Variants in ULK2 observed in about 807,000 individuals in gnomAD.
ULK2 encodes unc-51 like autophagy activating kinase 2.
ULK2 carries 76 observed loss-of-function variants against 127.5 expected under a neutral mutation model. The observed-to-expected ratio is 0.60, with a 90% confidence interval of 0.50 to 0.72. The LOEUF (loss-of-function observed/expected upper bound fraction) is 0.72. Ranked by LOEUF, ULK2 falls within the 30% of genes least tolerant of loss-of-function variation. The pLI is 0.00. For synonymous variants in ULK2, 452 were observed against 461.9 expected, an observed-to-expected ratio of 0.98 and a Z score of 0.28; for missense variants, 1,144 against 1,295.9, an observed-to-expected ratio of 0.88 and a Z score of 1.80.
chr17:19,786,491 A>G (rs1316522736), intron 20 of ULK2, among the ~76,000 whole-genome samples: 1 of 152,152 alleles, frequency 6.6e-6, no homozygotes, highest in Non-Finnish European at 1.5e-5. Context: ...AGGCGGGTGG[A>G]TCACCTGAGG....
chr17:19,861,064 C>CA (rs200551375), intron 3 of ULK2: 8,765 of 138,664 alleles, frequency 0.063, 829 homozygotes, highest in African/African-American at 0.22. Flanking sequence ...GACTTCTTCT[C>CA]AAAAAAAAAA....
intron 12 of ULK2, among the ~76,000 whole-genome samples, chr17:19,819,059 A>G (rs2041071869): frequency 6.6e-6 from 1 of 152,048 alleles, no homozygotes; most frequent in Non-Finnish European, 1.5e-5. Flanking sequence ...TCAGCCTCCC[A>G]AAGTGCTGGG....
chr17:19,852,357 T>C (rs2042035840), intron 3 of ULK2, among the ~76,000 whole-genome samples: 1 of 139,586 alleles, frequency 7.2e-6, no homozygotes, highest in East Asian at 2.3e-4. Context: ...CCATCTCTAC[T>C]AAAAATACAA....
rs1197496893 is a variant in ULK2, at chr17:19,816,767, T to A, written c.1078A>T (p.Ile360Phe). Residue 360 changes from isoleucine to phenylalanine, a missense_variant, in exon 13 of 27, where the codon ATC (isoleucine) becomes TTC (phenylalanine). Ile to Phe is a conservative substitution (Grantham distance 21, BLOSUM62 0). Around this residue, in one of 2 missense-constraint regions of ULK2, gnomAD observed 913 missense variants for 970.5 expected, o/e 0.94. Transcript: ENST00000395544. ...TDDFVLVPHN[I>F]SSDHSCDMPV... ...TTCTCACATGAGTGGTCTGACGAGA[T>A]GTTGTGTGGCACCAAAACAAAGTCA... 2 of 1,602,028 alleles carry A rather than the reference T, an allele frequency of 1.2e-6. No homozygotes were observed.
intron 3 of ULK2, among the ~76,000 whole-genome samples, chr17:19,851,455 T>C (rs1207092522): frequency 6.6e-6 from 1 of 150,930 alleles, no homozygotes; most frequent in Non-Finnish European, 1.5e-5. Flanking sequence ...CTGGCCAACA[T>C]GGTGAAACCC....
intron 3 of ULK2, among the ~76,000 whole-genome samples, chr17:19,864,091 G>C (rs890013662): frequency 9.9e-5 from 15 of 152,140 alleles, no homozygotes; most frequent in African/African-American, 3.1e-4. Context: ...AGGATCCCTT[G>C]AGCCCAGGAG....
At chr17:19,782,680 C>T (rs1361358787) in intron 22 of ULK2, among the ~76,000 whole-genome samples, 1 of 152,124 alleles carries the variant, frequency 6.6e-6, no homozygotes, top group Non-Finnish European at 1.5e-5. Flanking sequence ...CTTTGGGAGG[C>T]CAAGGCGGGT....
chr17:19,804,658 A>G (rs1177771195), intron 15 of ULK2, 35 bp downstream of exon 15: 5 of 1,542,896 alleles, frequency 3.2e-6, no homozygotes, highest in Non-Finnish European at 4.4e-6. Context: ...AAGGAGATGA[A>G]AAAGAATTAA....
chr17:19,777,643 A>AG lies in ULK2; in HGVS notation c.2989dup (p.Leu997ProfsTer8). The AG allele has an allele frequency of 1.2e-6, 2 of 1,614,152 alleles. No homozygotes were observed. The highest frequency in any genetic ancestry group is 2.2e-5 in the South Asian group (2 of 91,068). On this transcript the variant is annotated frameshift_variant, in exon 26 of 27. Coordinates refer to ENST00000395544, the MANE Select transcript of ULK2 (RefSeq NM_014683.4). LOFTEE classifies it high-confidence loss of function. ...AATCCTACTTAGGCCTTCCAAAAGA[A>AG]GGGCTGCCTTATGATAGCGATAAAC...
At position 19,843,124 on chromosome 17, in the gene ULK2, A is replaced by T. The variant is rs1437707186; in HGVS notation, c.642T>A (p.Phe214Leu). 1 of 1,612,932 alleles carries T rather than the reference A, an allele frequency of 6.2e-7. No homozygotes were observed. Among genetic ancestry groups the T allele is most frequent in the South Asian group, 1.1e-5 (1 of 91,010 alleles). The change falls in exon 8 of 27, where the codon TTT becomes TTA. Residue 214 changes from phenylalanine to leucine, a missense_variant. Phe to Leu is a conservative substitution (Grantham distance 22). Around this residue, in one of 2 missense-constraint regions of ULK2, gnomAD observed 231 missense variants for 325.4 expected, o/e 0.71. Transcript: ENST00000395544. ...CATAAGAAAAAAGTCAGCCTACCTG[A>T]AAAGGTGGTTTTCCAACTAGGCATT... ...IYQCLVGKPPFQANSPQDLRM... is the reference protein window; with the variant it reads ...IYQCLVGKPPLQANSPQDLRM...
At chr17:19,852,945 C>G (rs867401397) in intron 3 of ULK2, among the ~76,000 whole-genome samples, 1 of 151,788 alleles carries the variant, frequency 6.6e-6, no homozygotes, top group South Asian at 2.1e-4. Context: ...CCACCGTGCA[C>G]GGCCAATTTT....
intron 13 of ULK2, among the ~76,000 whole-genome samples, chr17:19,811,408 C>A (rs968643360): frequency 6.6e-6 from 1 of 151,088 alleles, no homozygotes; most frequent in Non-Finnish European, 1.5e-5. Context: ...AGCTTAATCA[C>A]GAGAGGGAAA....
chr17:19,865,108 G>A (rs1270227392), intron 2 of ULK2, among the ~76,000 whole-genome samples: 1 of 152,096 alleles, frequency 6.6e-6, no homozygotes, highest in Non-Finnish European at 1.5e-5. Flanking sequence ...GAGGAAATCG[G>A]GTGTTAAATG....
intron 3 of ULK2, among the ~76,000 whole-genome samples, chr17:19,850,610 A>G (rs1483282154): frequency 6.6e-6 from 1 of 151,688 alleles, no homozygotes; most frequent in Non-Finnish European, 1.5e-5. Flanking sequence ...GCGGATCACG[A>G]GGCCAGGAGA....
chr17:19,837,533 T>C (rs972674969), intron 10 of ULK2, among the ~76,000 whole-genome samples: 1 of 152,212 alleles, frequency 6.6e-6, no homozygotes, highest in Non-Finnish European at 1.5e-5. Flanking sequence ...CACTTAGATA[T>C]CCAATGGTTA....
chr17:19,771,725 A>C lies in ULK2; in HGVS notation c.*4624T>G, dbSNP rs1390648231. ...GGAGGAGGGGAGGAACTTGCCAAAG[A>C]ACACACAACTGCACATGGTGGAGCT... On this transcript the variant is annotated 3_prime_UTR_variant, in exon 27 of 27. Transcript: ENST00000395544. 2 of 152,272 alleles carry C rather than the reference A, an allele frequency of 1.3e-5. No individual in the cohort carries two copies. Among genetic ancestry groups the C allele is most frequent in the Non-Finnish European group, 2.9e-5 (2 of 68,076 alleles). The allele number at this position is 152,272 out of a possible 1,614,324, so 9.4% of individuals were successfully genotyped here.
intron 13 of ULK2, among the ~76,000 whole-genome samples, chr17:19,813,448 T>C (rs1193317619): frequency 2.0e-5 from 3 of 151,928 alleles, no homozygotes; most frequent in East Asian, 3.9e-4. Flanking sequence ...AGATGGAAAA[T>C]ATGACCAAAA....
At chr17:19,858,850 A>C (rs1169972163) in intron 3 of ULK2, among the ~76,000 whole-genome samples, 1 of 152,062 alleles carries the variant, frequency 6.6e-6, no homozygotes, top group African/African-American at 2.4e-5. Context: ...GGCGCCTGTA[A>C]TCCCAGCTAC....
rs773260232 is a variant in ULK2, at chr17:19,804,793, C to G, written c.1195G>C (p.Ala399Pro). The change falls in exon 15 of 27, where the codon GCA becomes CCA. Residue 399 changes from alanine (A) to proline (P), a missense_variant. Around this residue, in one of 2 missense-constraint regions of ULK2, gnomAD observed 913 missense variants for 970.5 expected, o/e 0.94. Transcript: ENST00000395544. Reference sequence around the variant, plus strand: ...ATTTGAGTAGGAACTGGAATTGGTGCTGTTTCGCTGTGAGGTGACACAGTA... The same window carrying G: ...ATTTGAGTAGGAACTGGAATTGGTGGTGTTTCGCTGTGAGGTGACACAGTA... ...QPTVSPHSET[A>P]PIPVPTQIRN... 6.2e-7 allele frequency: 1 copy of G among 1,612,730 alleles called. No individual in the cohort carries two copies. The highest frequency in any genetic ancestry group is 1.7e-5 in the Admixed American group (1 of 59,922).
Sources: allele counts gnomAD v4.1 joint callset (sites outside exome capture counted in the v4.1 genomes callset), GRCh38; gene constraint gnomAD v4.1.1; regional missense constraint gnomAD v4.1.1; transcripts MANE v1.5; gene names NCBI Gene and HGNC (gene_info 2026-07-23, HGNC 2026-07-21).